PPIG: variants seen among roughly 807,000 people sequenced by gnomAD.
The protein encoded by PPIG is peptidylprolyl isomerase G.
Under a neutral mutation model 87.9 loss-of-function variants are expected in PPIG, and 26 were observed. That is an observed-to-expected ratio of 0.30 (90% CI 0.22 to 0.41). The LOEUF (loss-of-function observed/expected upper bound fraction) is 0.41, where lower values mean the gene tolerates loss of function less well. PPIG is among the 10% of genes least tolerant of loss of function. PPIG has a pLI of 1.00. For missense variants in PPIG, 722 were observed against 879.4 expected, an observed-to-expected ratio of 0.82 and a Z score of 2.26; for synonymous variants, 308 against 276.5, an observed-to-expected ratio of 1.11 and a Z score of -1.13.
chr2:169,593,126 G>GTGTA (rs761850489), intron 1 of PPIG, among the ~76,000 whole-genome samples: 14 of 149,520 alleles, frequency 9.4e-5, no homozygotes, highest in Admixed American at 6.0e-4. Context: ...GACTGTGTGT[G>GTGTA]TATATATATA....
At chr2:169,616,364 G>A (rs1419840427) in intron 9 of PPIG, among the ~76,000 whole-genome samples, 1 of 152,142 alleles carries the variant, frequency 6.6e-6, no homozygotes, top group Non-Finnish European at 1.5e-5. Flanking sequence ...TATATACCTA[G>A]TAATGGGATT....
At position 169,612,471 on chromosome 2, in the gene PPIG, C is replaced by T. The variant is rs372937338; in HGVS notation, c.378-1993C>T. The stretch of plus-strand genomic sequence containing the variant: ...GAATCTCGGCTCACTGCAAGCTCCA[C>T]CTCCCGGGTTCACGCCATTCTCCTG... On this transcript the variant is annotated intron_variant, in intron 7 of 13. Coordinates refer to ENST00000260970, the MANE Select transcript of PPIG (RefSeq NM_004792.3). Among the ~76,000 whole-genome samples, 5 of 151,508 alleles carry T rather than the reference C, an allele frequency of 3.3e-5. No individual in the cohort carries two copies. In the East Asian group the frequency reaches 7.8e-4, roughly 24 times the overall value.
intron 1 of PPIG, among the ~76,000 whole-genome samples, chr2:169,599,056 A>T (rs1036353560): frequency 3.9e-5 from 6 of 152,112 alleles, no homozygotes; most frequent in African/African-American, 1.4e-4. Flanking sequence ...GTAAGGATGT[A>T]CATAAAGTAA....
At position 169,637,732 on chromosome 2, in the gene PPIG, CATG is replaced by C; in HGVS notation, c.*211_*213del. 2.0e-6 allele frequency: 1 copy of C among 509,538 alleles called. No individual in the cohort carries two copies. The highest frequency in any genetic ancestry group is 3.5e-5 in the East Asian group (1 of 28,866). The allele number at this position is 509,538 out of a possible 1,614,324, so 31.6% of individuals were successfully genotyped here. On this transcript the variant is annotated 3_prime_UTR_variant, in exon 14 of 14. Transcript: ENST00000260970. Reference sequence around the variant, plus strand: ...ACTGCTAAAGTTTTAATAAACTCGACATGAGAAAAACACTTTGGTGTAGTACTG... The same window carrying C: ...ACTGCTAAAGTTTTAATAAACTCGACAGAAAAACACTTTGGTGTAGTACTG...
chr2:169,606,139 C>T lies in PPIG; in HGVS notation c.237C>T (p.Phe79=), dbSNP rs149918056. Reference sequence around the variant, plus strand: ...ATTTTATGGTTCAAGGTGGTGACTTCAGTGAAGGTGAGACTTGGAAAAATC... The same window carrying T: ...ATTTTATGGTTCAAGGTGGTGACTTTAGTGAAGGTGAGACTTGGAAAAATC... ...VKDFMVQGGD[F]SEGNGRGGES... Residue 79 remains phenylalanine, a synonymous_variant, in exon 5 of 14, where the codon TTC becomes TTT. Coordinates refer to ENST00000260970, the MANE Select transcript of PPIG (RefSeq NM_004792.3). 7.6e-5 allele frequency: 121 copies of T among 1,593,812 alleles called. No individual in the cohort carries two copies. The highest frequency in any genetic ancestry group is 3.6e-4 in the South Asian group (33 of 90,594).
chr2:169,590,877 C>T lies in PPIG; in HGVS notation c.-70+6387C>T, dbSNP rs117915358. The stretch of plus-strand genomic sequence containing the variant: ...TAAAAATTAGCTGGAGGTGGTGGCT[C>T]ACGCCTTTAGTCCCAGCTACTCGGG... On this transcript the variant is annotated intron_variant, in intron 1 of 13. Coordinates refer to ENST00000260970, the MANE Select transcript of PPIG (RefSeq NM_004792.3). Among the ~76,000 whole-genome samples, 113 of 150,392 alleles carry T rather than the reference C, an allele frequency of 7.5e-4. 1 individual carries two copies. The East Asian group carries it at 0.021, about 28-fold the overall frequency.
intron 6 of PPIG, among the ~76,000 whole-genome samples, chr2:169,607,416 C>G (rs1685363178): frequency 6.6e-6 from 1 of 152,048 alleles, no homozygotes; most frequent in African/African-American, 2.4e-5. Flanking sequence ...ATAGGAACTT[C>G]CGTAGGTCAA....
intron 12 of PPIG, among the ~76,000 whole-genome samples, chr2:169,635,053 TAATGA>T (rs140133207): frequency 0.27 from 40,817 of 151,892 alleles, 5,665 homozygotes; most frequent in Non-Finnish European, 0.31. Flanking sequence ...TATTGTATGA[TAATGA>T]AATAATGAAA....
At chr2:169,625,540 G>C (rs1054022714) in intron 9 of PPIG, among the ~76,000 whole-genome samples, 28 of 152,094 alleles carry the variant, frequency 1.8e-4, no homozygotes, top group Non-Finnish European at 2.9e-5. Flanking sequence ...ACAAATGCTA[G>C]TTTCAATTAG....
intron 9 of PPIG, among the ~76,000 whole-genome samples, chr2:169,624,946 A>T (rs181873484): frequency 2.8e-4 from 43 of 152,280 alleles, no homozygotes; most frequent in Middle Eastern, 3.4e-3. Context: ...TTCGGAATTT[A>T]AAATTTTAAT....
intron 7 of PPIG, among the ~76,000 whole-genome samples, chr2:169,612,573 G>A (rs952691070): frequency 4.0e-5 from 6 of 151,800 alleles, no homozygotes; most frequent in African/African-American, 7.3e-5. Flanking sequence ...TAGTAGAGAC[G>A]GGGTTTCACC....
chr2:169,609,428 C>T (rs1685426576), intron 7 of PPIG, among the ~76,000 whole-genome samples: 1 of 132,844 alleles, frequency 7.5e-6, no homozygotes, highest in African/African-American at 2.6e-5. Flanking sequence ...CCAGGCTGGA[C>T]TCCAGGCTGG....
At position 169,636,626 on chromosome 2, in the gene PPIG, C is replaced by T. The variant is rs746784809; in HGVS notation, c.1368C>T (p.Ala456=). Residue 456 remains alanine (A), a synonymous_variant, in exon 14 of 14, where the codon GCC becomes GCT. Coordinates refer to ENST00000260970, the MANE Select transcript of PPIG (RefSeq NM_004792.3). ...DKYKNKVKKR[A]KSKSRSKSKE... ...ATAAAAACAAAGTGAAGAAAAGGGC[C>T]AAATCTAAAAGTAGGAGTAAGAGCA... 1.3e-6 allele frequency: 2 copies of T among 1,593,266 alleles called. No individual in the cohort carries two copies. Among genetic ancestry groups the T allele is most frequent in the Non-Finnish European group, 1.7e-6 (2 of 1,174,864 alleles).
chr2:169,594,968 G>C (rs1209676457), intron 1 of PPIG, among the ~76,000 whole-genome samples: 1 of 150,206 alleles, frequency 6.7e-6, no homozygotes, highest in African/African-American at 2.5e-5. Context: ...TCACTCTGTT[G>C]CCCAAGCTGG....
At chr2:169,587,858 T>TA (rs1301060155) in intron 1 of PPIG, among the ~76,000 whole-genome samples, 2 of 152,172 alleles carry the variant, frequency 1.3e-5, no homozygotes, top group Non-Finnish European at 2.9e-5. Flanking sequence ...ATGATTATTT[T>TA]AAAAACATGA....
intron 13 of PPIG, 90 bp from the exon 14 acceptor site, chr2:169,636,323 C>T: frequency 6.8e-7 from 1 of 1,468,546 alleles, no homozygotes. Context: ...TTGCTGAATA[C>T]CTTAAGAAAA....
Position 169,636,892 on chromosome 2 carries a change from G to A in PPIG, c.1634G>A (p.Arg545Lys). The change falls in exon 14 of 14, where the codon AGG becomes AAG. Residue 545 changes from arginine (R) to lysine (K), a missense_variant. By Grantham distance (26) the Arg-to-Lys change is conservative (BLOSUM62 2). Transcript: ENST00000260970. ...SKEKDRRAQS[R>K]SRECDITKGK... ...GAAAAGGATAGACGCGCACAATCCAGGAGTAGAGAATGTGATATAACTAAA... is the reference window on the plus strand; with the variant it reads ...GAAAAGGATAGACGCGCACAATCCAAGAGTAGAGAATGTGATATAACTAAA... 6.2e-7 allele frequency: 1 copy of A among 1,613,870 alleles called. No individual in the cohort carries two copies. Among genetic ancestry groups the A allele is most frequent in the East Asian group, 2.2e-5 (1 of 44,856 alleles).
At chr2:169,633,834 C>A (rs996598923) in intron 12 of PPIG, among the ~76,000 whole-genome samples, 1 of 100,760 alleles carries the variant, frequency 9.9e-6, no homozygotes, top group African/African-American at 4.8e-5. Context: ...TTCCACCCCC[C>A]CCTTTTTTTT....
intron 9 of PPIG, among the ~76,000 whole-genome samples, chr2:169,628,939 C>CAAAAAAAAAA (rs71006010): frequency 3.2e-4 from 30 of 92,318 alleles, no homozygotes; most frequent in African/African-American, 1.2e-3. Flanking sequence ...ACCCTGTCTC[C>CAAAAAAAAAA]AAAAAAAAAA....
Sources: allele counts gnomAD v4.1 joint callset (sites outside exome capture counted in the v4.1 genomes callset), GRCh38; gene constraint gnomAD v4.1.1; transcripts MANE v1.5; gene names NCBI Gene and HGNC (gene_info 2026-07-23, HGNC 2026-07-21).